The following DGKG variants were observed in gnomAD, a reference collection of about 807,000 sequenced individuals.
DGKG encodes the protein diacylglycerol kinase gamma.
A neutral mutation model predicts 105.3 loss-of-function variants in DGKG; 78 were observed. That is an observed-to-expected ratio of 0.74 (90% CI 0.62 to 0.89). The LOEUF (loss-of-function observed/expected upper bound fraction) is 0.89. DGKG is among the 40% of genes least tolerant of loss of function. The probability of loss-of-function intolerance (pLI) is 0.00; values close to 1 mark genes in which losing one functional copy is unlikely to be tolerated. For missense variants in DGKG, 958 were observed against 1,020.1 expected (o/e 0.94, Z 0.83); for synonymous variants, 346 against 367.1 (o/e 0.94, Z 0.66).
At chr3:186,291,842 C>T (rs1424953681) in intron 5 of DGKG, among the ~76,000 whole-genome samples, 5 of 152,114 alleles carry the variant, frequency 3.3e-5, no homozygotes, top group East Asian at 1.9e-4. Flanking sequence ...CAGGTATATA[C>T]GTGTGTCAAA....
chr3:186,303,303 A>G (rs1288189139), intron 3 of DGKG, among the ~76,000 whole-genome samples: 1 of 152,200 alleles, frequency 6.6e-6, no homozygotes, highest in East Asian at 1.9e-4. Flanking sequence ...ACCAACCACT[A>G]TGAGGCATGC....
intron 16 of DGKG, among the ~76,000 whole-genome samples, chr3:186,259,165 T>C (rs1285232629): frequency 6.6e-6 from 1 of 152,204 alleles, no homozygotes; most frequent in Non-Finnish European, 1.5e-5. Context: ...GCAGCTTGTC[T>C]GATTAGAGAG....
In DGKG at chr3:186,149,690, T is replaced by A; in HGVS notation, c.*400A>T. ...CCCTTGGCCACATCTGATCTCACCATAGGCAGGAAACCTGCAGCCTGCTCC... is the reference window on the plus strand; with the variant it reads ...CCCTTGGCCACATCTGATCTCACCAAAGGCAGGAAACCTGCAGCCTGCTCC... On this transcript the variant is annotated 3_prime_UTR_variant, in exon 25 of 25. Transcript: ENST00000265022. 9.9e-7 allele frequency: 1 copy of A among 1,005,460 alleles called. No individual in the cohort carries two copies. The highest frequency in any genetic ancestry group is 1.2e-6 in the Non-Finnish European group (1 of 841,738). The allele number at this position is 1,005,460 out of a possible 1,614,324, so 62.3% of individuals were successfully genotyped here.
Position 186,290,177 on chromosome 3 carries a change from C to T in DGKG, c.374-1297G>A, listed in dbSNP as rs187927178. ...ATTTTCTACTGGACAAGGCCCTTAG[C>T]GGGATGCAAGAAGATATCACCTCTA... is the stretch of plus-strand genomic sequence containing the variant. On this transcript the variant is annotated intron_variant, in intron 5 of 24. Coordinates refer to ENST00000265022, the MANE Select transcript of DGKG (RefSeq NM_001346.3). Among the ~76,000 whole-genome samples, 563 of 152,188 alleles carry T rather than the reference C, an allele frequency of 3.7e-3. 4 individuals are homozygous for T. The highest frequency in any genetic ancestry group is 0.013 in the African/African-American group (536 of 41,508).
chr3:186,288,853 G>T lies in DGKG; in HGVS notation c.401C>A (p.Pro134Gln). ...GGTCGCAGCCACTTGGTCTTCAGCT[G>T]GTGCTTGCTTCTCAGCCATATTTGA... Reference protein sequence around the residue: ...TESNMAEKQAPAEDQVAATPL... With the variant: ...TESNMAEKQAQAEDQVAATPL... The change falls in exon 6 of 25, where the codon CCA becomes CAA. Residue 134 changes from proline (P) to glutamine (Q), a missense_variant. Around this residue, in one of 2 missense-constraint regions of DGKG, gnomAD observed 643 missense variants for 619.5 expected, o/e 1.04. Coordinates refer to ENST00000265022, the MANE Select transcript of DGKG (RefSeq NM_001346.3). 6.3e-7 allele frequency: 1 copy of T among 1,589,878 alleles called. No individual in the cohort carries two copies. The highest frequency in any genetic ancestry group is 8.5e-7 in the Non-Finnish European group (1 of 1,169,896).
chr3:186,173,433 C>G (rs1278048463), intron 22 of DGKG, among the ~76,000 whole-genome samples: 1 of 152,260 alleles, frequency 6.6e-6, no homozygotes, highest in Non-Finnish European at 1.5e-5. Context: ...AGAAAAGACA[C>G]AAGCCCAGCT....
intron 1 of DGKG, among the ~76,000 whole-genome samples, chr3:186,336,863 C>A (rs1426954544): frequency 6.6e-6 from 1 of 152,094 alleles, no homozygotes; most frequent in East Asian, 1.9e-4. Flanking sequence ...CTACTATATT[C>A]AACTTTATAG....
chr3:186,308,472 T>A (rs913735394), intron 2 of DGKG, among the ~76,000 whole-genome samples: 21 of 152,130 alleles, frequency 1.4e-4, no homozygotes, highest in African/African-American at 4.6e-4. Flanking sequence ...GCTCACACAG[T>A]GTTTTTTGTT....
In DGKG at chr3:186,279,936, C is replaced by G. The variant is rs753434354; in HGVS notation, c.707G>C (p.Arg236Pro). Residue 236 changes from arginine to proline, a missense_variant, in exon 9 of 25, where the codon CGG becomes CCG. Transcript: ENST00000265022. Reference protein sequence around the residue: ...KEMLQGMDYDRDGFVSLQEWV... With the variant: ...KEMLQGMDYDPDGFVSLQEWV... ...TTCCTGTAGAGACACAAAGCCGTCC[C>G]GGTCGTAGTCCATCCCTTGCAGCAT... is the stretch of plus-strand genomic sequence containing the variant. 1.2e-6 allele frequency: 2 copies of G among 1,614,118 alleles called. No homozygotes were observed. Among genetic ancestry groups the G allele is most frequent in the East Asian group, 2.2e-5 (1 of 44,866 alleles).
intron 22 of DGKG, among the ~76,000 whole-genome samples, chr3:186,171,404 G>C (rs976324061): frequency 6.6e-6 from 1 of 152,156 alleles, no homozygotes; most frequent in Non-Finnish European, 1.5e-5. Context: ...ATCAATGGGG[G>C]ATTGGTTTTA....
intron 20 of DGKG, among the ~76,000 whole-genome samples, chr3:186,233,653 TTTC>T (rs545497050): frequency 6.6e-6 from 1 of 152,094 alleles, no homozygotes; most frequent in Admixed American, 6.6e-5. Flanking sequence ...CTAATTTTGT[TTTC>T]GTATTTTTAG....
At chr3:186,161,477 G>A in intron 24 of DGKG, 126 bp downstream of exon 24, 5 of 1,500,120 alleles carry the variant, frequency 3.3e-6, no homozygotes. Context: ...TGGAAGAGGG[G>A]TTGCACTAGA....
intron 10 of DGKG, among the ~76,000 whole-genome samples, chr3:186,272,941 C>T (rs949875777): frequency 9.9e-5 from 15 of 152,048 alleles, no homozygotes; most frequent in Admixed American, 7.9e-4. Flanking sequence ...GTTAGCCAGG[C>T]TGGTCTCGAA....
At chr3:186,254,302 G>A (rs1721362039) in intron 17 of DGKG, among the ~76,000 whole-genome samples, 1 of 152,172 alleles carries the variant, frequency 6.6e-6, no homozygotes, top group Admixed American at 6.5e-5. Flanking sequence ...AGGTCCTCCA[G>A]GTTGTCTGAC....
chr3:186,209,093 CTTTTT>C (rs34226259), intron 21 of DGKG, among the ~76,000 whole-genome samples: 12 of 89,838 alleles, frequency 1.3e-4, no homozygotes, highest in African/African-American at 3.4e-4. Flanking sequence ...GTTTACTCTT[CTTTTT>C]TTTTTTTTTT....
intron 1 of DGKG, among the ~76,000 whole-genome samples, chr3:186,323,104 C>T (rs928966883): frequency 1.3e-5 from 2 of 152,190 alleles, no homozygotes; most frequent in Admixed American, 6.5e-5. Context: ...CTTTAAATTG[C>T]CAACCAGATC....
intron 1 of DGKG, among the ~76,000 whole-genome samples, chr3:186,350,299 G>T (rs1456050155): frequency 2.0e-5 from 3 of 152,112 alleles, no homozygotes; most frequent in African/African-American, 7.2e-5. Context: ...CTATCTCAAT[G>T]AATTTAACTA....
intron 20 of DGKG, among the ~76,000 whole-genome samples, chr3:186,229,959 G>A (rs1187927953): frequency 6.6e-6 from 1 of 152,144 alleles, no homozygotes; most frequent in African/African-American, 2.4e-5. Context: ...GACAGAATGT[G>A]TCAAAAACAC....
chr3:186,275,317 G>A (rs1294283114), intron 10 of DGKG, among the ~76,000 whole-genome samples: 1 of 152,216 alleles, frequency 6.6e-6, no homozygotes, highest in Admixed American at 6.5e-5. Flanking sequence ...TAGGGGGTCA[G>A]TGGCTCATAA....
Sources: gnomAD v4.1 joint callset for allele counts (sites outside exome capture counted in the v4.1 genomes callset) on GRCh38, gnomAD v4.1.1 for gene constraint, gnomAD v4.1.1 regional missense constraint, MANE v1.5 for transcripts, NCBI Gene and HGNC (gene_info 2026-07-23, HGNC 2026-07-21) for gene names.